JCAD: variants seen among roughly 807,000 people sequenced by gnomAD.
The protein encoded by JCAD is junctional cadherin 5 associated.
Under a neutral mutation model 98.0 loss-of-function variants are expected in JCAD, and 40 were observed. The ratio of observed to expected loss-of-function variants is 0.41; its 90% CI spans 0.32 to 0.53. The LOEUF is 0.53. JCAD is among the 20% of genes least tolerant of loss of function. The pLI is 0.31. For missense variants in JCAD, 1,705 were observed against 1,738.1 expected (o/e 0.98, Z 0.34); for synonymous variants, 691 against 682.3 (o/e 1.01, Z -0.20).
chr10:30,107,737 C>A (rs1838611976), intron 1 of JCAD, among the ~76,000 whole-genome samples: 1 of 152,062 alleles, frequency 6.6e-6, no homozygotes, highest in Non-Finnish European at 1.5e-5. Flanking sequence ...TGGATTGGGA[C>A]CCCTTTCAAG....
intron 1 of JCAD, among the ~76,000 whole-genome samples, chr10:30,078,589 A>G (rs1838020549): frequency 6.6e-6 from 1 of 152,180 alleles, no homozygotes; most frequent in African/African-American, 2.4e-5. Context: ...GATTGCTCTG[A>G]TCTGATAGCA....
chr10:30,079,881 G>C (rs1424283530), intron 1 of JCAD, among the ~76,000 whole-genome samples: 1 of 152,096 alleles, frequency 6.6e-6, no homozygotes, highest in African/African-American at 2.4e-5. Context: ...TTTAGGTCAG[G>C]CCTCACTTGC....
chr10:30,098,616 G>A (rs1045854936), intron 1 of JCAD, among the ~76,000 whole-genome samples: 1 of 152,188 alleles, frequency 6.6e-6, no homozygotes, highest in East Asian at 1.9e-4. Flanking sequence ...CAAAATGAAA[G>A]AATGAATGAA....
intron 1 of JCAD, among the ~76,000 whole-genome samples, chr10:30,090,872 A>ACC (rs756886053): frequency 6.2e-4 from 94 of 152,252 alleles, no homozygotes; most frequent in Non-Finnish European, 1.0e-3. Flanking sequence ...CCGGAGCCAA[A>ACC]CCCCACGGCA....
chr10:30,050,729 T>A (rs1434670831), intron 1 of JCAD, among the ~76,000 whole-genome samples: 1 of 152,180 alleles, frequency 6.6e-6, no homozygotes, highest in African/African-American at 2.4e-5. Context: ...AGCAAGAATA[T>A]CTTTCAATCG....
chr10:30,089,350 G>A (rs1172751857), intron 1 of JCAD, among the ~76,000 whole-genome samples: 2 of 152,258 alleles, frequency 1.3e-5, no homozygotes, highest in African/African-American at 4.8e-5. Context: ...GCAGAGGCTC[G>A]GAGAAGAGCA....
At position 30,017,657 on chromosome 10, in the gene JCAD, C is replaced by G; in HGVS notation, c.*226G>C. 1 of 599,164 alleles carries G rather than the reference C, an allele frequency of 1.7e-6. No individual in the cohort carries two copies. The highest frequency in any genetic ancestry group is 2.1e-5 in the South Asian group (1 of 47,194). The allele number at this position is 599,164 out of a possible 1,614,324, so 37.1% of individuals were successfully genotyped here. On this transcript the variant is annotated 3_prime_UTR_variant, in exon 4 of 4. Coordinates refer to ENST00000375377, the MANE Select transcript of JCAD (RefSeq NM_020848.4). ...TTCCTAATTATAGGCATTAAATCTT[C>G]ATGCTATAAAAACAGATGGTTTCAA...
In JCAD at chr10:30,047,798, T is replaced by C. The variant is rs112079947; in HGVS notation, c.15A>G (p.Glu5=). 369 of 1,612,266 alleles carry C rather than the reference T, an allele frequency of 2.3e-4. 1 individual carries two copies. In the African/African-American group the frequency reaches 4.4e-3, roughly 19 times the overall value. Residue 5 remains glutamate (E), a synonymous_variant, in exon 2 of 4, where the codon GAA becomes GAG. Transcript: ENST00000375377. ...TGTATCCATGAGAGATCAGGAGGTC[T>C]TCTACACTGTACATGATGCCTGGGC... The part of the protein sequence containing the change: MYSV[E]DLLISHGYKL...
intron 1 of JCAD, among the ~76,000 whole-genome samples, chr10:30,112,465 A>G (rs1321535284): frequency 1.3e-5 from 2 of 152,210 alleles, no homozygotes; most frequent in African/African-American, 4.8e-5. Flanking sequence ...CTTCAGCAAC[A>G]CAGTGAGACC....
intron 1 of JCAD, among the ~76,000 whole-genome samples, chr10:30,051,429 CCT>C (rs970371489): frequency 6.6e-6 from 1 of 152,092 alleles, no homozygotes; most frequent in African/African-American, 2.4e-5. Context: ...CCTTAACAGA[CCT>C]CTTTCATCAT....
At chr10:30,078,740 A>T (rs10826760) in intron 1 of JCAD, among the ~76,000 whole-genome samples, 10,151 of 152,298 alleles carry the variant, frequency 0.067, 565 homozygotes, top group East Asian at 0.32. Context: ...TTTTAGAAGT[A>T]GATGTATCTG....
At chr10:30,074,936 G>C (rs942931673) in intron 1 of JCAD, among the ~76,000 whole-genome samples, 9 of 152,090 alleles carry the variant, frequency 5.9e-5, no homozygotes, top group Non-Finnish European at 1.0e-4. Context: ...AGGACTATGG[G>C]CACATGCTGC....
At chr10:30,090,650 T>C (rs1276530100) in intron 1 of JCAD, among the ~76,000 whole-genome samples, 1 of 152,106 alleles carries the variant, frequency 6.6e-6, no homozygotes, top group East Asian at 1.9e-4. Context: ...TCCCTTCCCA[T>C]ATTCAGTCAA....
rs150441837 is a variant in JCAD, at chr10:30,114,210, C to A, written n.128+1157G>T. Among the ~76,000 whole-genome samples, 728 of 152,268 alleles carry A rather than the reference C, an allele frequency of 4.8e-3. 11 individuals are homozygous for A. The South Asian group carries it at 0.05, about 11-fold the overall frequency. ...CCGTAATCTGAAGCTTGAAATTTGG[C>A]ACTTCATTTTGTGCTGTTGATAATG... On this transcript the variant is annotated intron_variant and non_coding_transcript_variant, in intron 1 of 2. Coordinates refer to the JCAD transcript ENST00000465712.
In JCAD at chr10:30,111,848, T is replaced by A. The variant is rs914090687; in HGVS notation, n.128+3519A>T. ...GAATGTGGAGAAATTGGAACCTTCC[T>A]ACAGTGCTGGTGGGAATGTGAAATA... is the stretch of plus-strand genomic sequence containing the variant. On this transcript the variant is annotated intron_variant and non_coding_transcript_variant, in intron 1 of 2. Coordinates refer to the JCAD transcript ENST00000465712. 1.6e-4 allele frequency among the ~76,000 whole-genome samples: 24 copies of A among 152,300 alleles called. No individual in the cohort carries two copies. In the South Asian group the frequency reaches 4.8e-3, roughly 30 times the overall value.
chr10:30,022,802 G>A (rs774848476), intron 3 of JCAD, among the ~76,000 whole-genome samples: 33 of 152,132 alleles, frequency 2.2e-4, no homozygotes, highest in Non-Finnish European at 3.5e-4. Context: ...ATCTAGTGAC[G>A]TCATGTCATA....
chr10:30,044,096 C>T (rs61841115), intron 2 of JCAD, among the ~76,000 whole-genome samples: 41,234 of 151,998 alleles, frequency 0.27, 6,561 homozygotes, highest in Non-Finnish European at 0.36. Context: ...TCTCACCTTC[C>T]ACCATGAGAT....
rs1304933497 is a variant in JCAD at position 30,028,753 on chromosome 10, A to G, written c.1395T>C (p.His465=). 1.9e-6 allele frequency: 3 copies of G among 1,614,216 alleles called. No homozygotes were observed. The highest frequency in any genetic ancestry group is 1.7e-5 in the Admixed American group (1 of 60,030). The change falls in exon 3 of 4, where the codon CAT becomes CAC. Residue 465 remains histidine (H), a synonymous_variant. Transcript: ENST00000375377. The part of the protein sequence containing the change: ...SSPVTAQEPA[H]GGMQPDGAIW... Reference sequence around the variant, plus strand: ...TGGCACCATCAGGCTGCATTCCTCCATGAGCCGGCTCTTGAGCAGTGACAG... The same window carrying G: ...TGGCACCATCAGGCTGCATTCCTCCGTGAGCCGGCTCTTGAGCAGTGACAG...
intron 2 of JCAD, among the ~76,000 whole-genome samples, chr10:30,065,035 A>G (rs770689501): frequency 2.0e-5 from 3 of 152,218 alleles, no homozygotes; most frequent in African/African-American, 4.8e-5. Context: ...AAGTCAGGCA[A>G]TAGTGGTTAC....
Sources: gnomAD v4.1 joint callset for allele counts (sites outside exome capture counted in the v4.1 genomes callset) on GRCh38, gnomAD v4.1.1 for gene constraint, MANE v1.5 for transcripts, NCBI Gene and HGNC (gene_info 2026-07-23, HGNC 2026-07-21) for gene names.